SMIM35: variants seen among roughly 807,000 people sequenced by gnomAD.
The protein encoded by SMIM35 is TMPRSS4 antisense RNA 1 (non-protein coding).
chr11:118,013,579 G>T, intron 4 of SMIM35, 169 bp downstream of exon 4: 1 of 379,348 alleles, frequency 2.6e-6, no homozygotes, highest in Non-Finnish European at 4.7e-6. Flanking sequence ...AGAAGCGGGT[G>T]GGGGAAAACA....
chr11:118,054,156 A>ATTTTTTTTTTT (rs1345936190), intron 1 of SMIM35, among the ~76,000 whole-genome samples: 4 of 108,284 alleles, frequency 3.7e-5, no homozygotes, highest in Non-Finnish European at 8.2e-5. Flanking sequence ...GGTTTTTGGG[A>ATTTTTTTTTTT]TTTTTTTGTT....
intron 1 of SMIM35, chr11:118,059,397 A>AG (rs944585045): frequency 6.6e-6 from 1 of 152,252 alleles, no homozygotes; most frequent in African/African-American, 2.4e-5. Context: ...AGAGGAGGGA[A>AG]GAGCACCCAG....
rs1391859983 is a variant in SMIM35, at chr11:118,004,607, T to C, written c.*1803A>G. ...TGAGGCTCAGGGTTAGGGATTCCCA[T>C]GTGAGAGTGAATGAGCTCATAGCCC... On this transcript the variant is annotated 3_prime_UTR_variant, in exon 5 of 5. Transcript: ENST00000689828. The C allele has an allele frequency of 6.6e-6, 1 of 152,006 alleles. No individual in the cohort carries two copies. The highest frequency in any genetic ancestry group is 1.5e-5 in the Non-Finnish European group (1 of 68,008). The allele number at this position is 152,006 out of a possible 1,614,324, so 9.4% of individuals were successfully genotyped here. A position where few individuals can be genotyped will look rare whatever the true frequency, so the allele number is the denominator to read the frequency against.
intron 1 of SMIM35, among the ~76,000 whole-genome samples, chr11:118,074,082 C>T (rs576150607): frequency 6.6e-6 from 1 of 152,254 alleles, no homozygotes; most frequent in Admixed American, 6.5e-5. Context: ...TCTTGAGGGG[C>T]TTTCTTGAAG....
chr11:118,069,859 C>T (rs1048013205), intron 1 of SMIM35, among the ~76,000 whole-genome samples: 3 of 152,042 alleles, frequency 2.0e-5, no homozygotes, highest in Non-Finnish European at 4.4e-5. Flanking sequence ...GTCAGGAGTT[C>T]GAGACTAGCC....
At chr11:118,078,251 C>G (rs1944849559) in intron 1 of SMIM35, among the ~76,000 whole-genome samples, 1 of 152,064 alleles carries the variant, frequency 6.6e-6, no homozygotes, top group African/African-American at 2.4e-5. Flanking sequence ...GAGATAATAA[C>G]TGGGTCTGAG....
chr11:118,069,213 T>C (rs947297920), intron 1 of SMIM35, among the ~76,000 whole-genome samples: 1 of 152,220 alleles, frequency 6.6e-6, no homozygotes, highest in African/African-American at 2.4e-5. Context: ...ATCTGTAAGA[T>C]GGGAACATCA....
chr11:118,034,319 C>T (rs942043017), intron 1 of SMIM35, among the ~76,000 whole-genome samples: 8 of 152,120 alleles, frequency 5.3e-5, no homozygotes, highest in African/African-American at 1.9e-4. Flanking sequence ...TAATACATGT[C>T]TACTACAAAT....
At chr11:118,044,388 T>G (rs1314778655) in intron 1 of SMIM35, among the ~76,000 whole-genome samples, 1 of 151,086 alleles carries the variant, frequency 6.6e-6, no homozygotes, top group Admixed American at 6.6e-5. Context: ...ATTATGCACC[T>G]TACTATTTAC....
At chr11:118,030,062 T>C in intron 1 of SMIM35, among the ~76,000 whole-genome samples, 1 of 152,034 alleles carries the variant, frequency 6.6e-6, no homozygotes, top group East Asian at 1.9e-4. Context: ...TGAGACAATG[T>C]CTCACTCTGT....
At chr11:118,030,414 T>C (rs1009172456) in intron 1 of SMIM35, among the ~76,000 whole-genome samples, 3 of 152,092 alleles carry the variant, frequency 2.0e-5, no homozygotes, top group Admixed American at 6.5e-5. Flanking sequence ...TCTACAAGGT[T>C]CTAAGAGAAA....
chr11:118,012,341 G>A (rs1252753373), intron 4 of SMIM35, among the ~76,000 whole-genome samples: 2 of 152,222 alleles, frequency 1.3e-5, no homozygotes, highest in East Asian at 1.9e-4. Flanking sequence ...GGCACAGACC[G>A]GAGAAAGGAG....
chr11:118,014,960 G>T (rs1008310678), intron 2 of SMIM35, among the ~76,000 whole-genome samples: 9 of 152,166 alleles, frequency 5.9e-5, no homozygotes, highest in African/African-American at 2.2e-4. Flanking sequence ...GAGCCCAAAA[G>T]AACCAGACCT....
At chr11:118,076,431 A>G (rs1944689358) in intron 1 of SMIM35, among the ~76,000 whole-genome samples, 2 of 152,158 alleles carry the variant, frequency 1.3e-5, no homozygotes, top group Non-Finnish European at 2.9e-5. Flanking sequence ...TGGGGGACAG[A>G]GAGAGACCCT....
chr11:118,042,164 T>C (rs1016627319), intron 1 of SMIM35, among the ~76,000 whole-genome samples: 1 of 139,900 alleles, frequency 7.1e-6, no homozygotes, highest in Non-Finnish European at 1.6e-5. Flanking sequence ...AAATAAACAA[T>C]AGAGAACACT....
chr11:118,035,881 G>GTGGGTGTTTGTTTGTTTGTT (rs150849912), intron 1 of SMIM35, among the ~76,000 whole-genome samples: 1,909 of 152,186 alleles, frequency 0.013, 42 homozygotes, highest in East Asian at 0.085. Context: ...CTAATATGTG[G>GTGGGTGTTTGTTTGTTTGTT]TGTTTGTTTG....
chr11:118,027,844 CA>C (rs931419939), intron 1 of SMIM35, among the ~76,000 whole-genome samples: 1 of 152,160 alleles, frequency 6.6e-6, no homozygotes, highest in Non-Finnish European at 1.5e-5. Context: ...GTGTCACTCA[CA>C]GTAGTATTTG....
intron 1 of SMIM35, among the ~76,000 whole-genome samples, chr11:118,034,167 G>A (rs117196577): frequency 2.1e-5 from 3 of 142,182 alleles, no homozygotes; most frequent in African/African-American, 7.8e-5. Context: ...TATTCAGGAG[G>A]CTGGGGTAGG....
At chr11:118,060,206 C>CTAGA (rs776943013) in intron 1 of SMIM35, among the ~76,000 whole-genome samples, 1 of 152,166 alleles carries the variant, frequency 6.6e-6, no homozygotes, top group Admixed American at 6.5e-5. Flanking sequence ...TGTGGCCTGC[C>CTAGA]TAGAGTCTCT....
Sources: gnomAD v4.1 joint callset for allele counts (sites outside exome capture counted in the v4.1 genomes callset) on GRCh38, gnomAD v4.1.1 for gene constraint, MANE v1.5 for transcripts, NCBI Gene and HGNC (gene_info 2026-07-23, HGNC 2026-07-21) for gene names.